Variants in FOXP1 observed in about 807,000 individuals in gnomAD.
The protein encoded by FOXP1 is forkhead box P1, also known as forkhead box protein P1.
Under a neutral mutation model 98.2 loss-of-function variants are expected in FOXP1, and 15 were observed. The observed-to-expected ratio is 0.15, with a 90% confidence interval of 0.10 to 0.24. FOXP1 has a LOEUF of 0.24. Among genes scored for constraint, FOXP1 ranks in the 10% least tolerant of loss-of-function variants. FOXP1 has a pLI of 1.00. For missense variants in FOXP1, 633 were observed against 848.5 expected (o/e 0.75, Z 3.15); for synonymous variants, 371 against 314.5 (o/e 1.18, Z -1.90).
intron 2 of FOXP1, among the ~76,000 whole-genome samples, chr3:71,514,118 C>G (rs867099500): frequency 1.6e-4 from 24 of 152,024 alleles, no homozygotes; most frequent in Admixed American, 1.4e-3. Context: ...CCCCAACTGG[C>G]TCTCAGGCCC....
At chr3:71,226,959 G>C (rs545543898) in intron 5 of FOXP1, among the ~76,000 whole-genome samples, 1 of 152,248 alleles carries the variant, frequency 6.6e-6, no homozygotes, top group South Asian at 2.1e-4. Flanking sequence ...TGACAGGGCA[G>C]AGCGCACAGG....
At chr3:71,520,600 C>G (rs910558499) in intron 2 of FOXP1, among the ~76,000 whole-genome samples, 14 of 152,324 alleles carry the variant, frequency 9.2e-5, no homozygotes, top group Admixed American at 6.5e-4. Flanking sequence ...CTAAAAATGT[C>G]AGCGTGAGAC....
At chr3:71,566,491 T>C (rs953664786) in intron 2 of FOXP1, among the ~76,000 whole-genome samples, 8 of 152,154 alleles carry the variant, frequency 5.3e-5, no homozygotes, top group Non-Finnish European at 1.5e-5. Context: ...TTGACCCAAC[T>C]AAAGTATCAT....
intron 3 of FOXP1, among the ~76,000 whole-genome samples, chr3:71,444,578 T>C (rs767205073): frequency 1.6e-4 from 24 of 152,138 alleles, no homozygotes; most frequent in Admixed American, 3.9e-4. Context: ...AGATGGCAGA[T>C]AGGAGGTTTA....
intron 6 of FOXP1, chr3:71,130,360 G>T: frequency 1.3e-6 from 1 of 780,892 alleles, no homozygotes; most frequent in Non-Finnish European, 2.1e-6. Flanking sequence ...GGAGAGAGGA[G>T]GGAAGGGGGA....
At chr3:71,308,311 A>C (rs1284947824) in intron 4 of FOXP1, among the ~76,000 whole-genome samples, 2 of 152,206 alleles carry the variant, frequency 1.3e-5, no homozygotes, top group Non-Finnish European at 2.9e-5. Context: ...TATGCACTTC[A>C]TCTCGGCGGA....
At position 70,959,289 on chromosome 3, in the gene FOXP1, G is replaced by A. The variant is rs2106856026; in HGVS notation, c.1992C>T (p.Asp664=). 2 of 1,613,110 alleles carry A rather than the reference G, an allele frequency of 1.2e-6. No homozygotes were observed. The highest frequency in any genetic ancestry group is 1.7e-6 in the Non-Finnish European group (2 of 1,179,910). Residue 664 remains aspartate (D), a synonymous_variant, in exon 21 of 21, where the codon GAC becomes GAT. Transcript: ENST00000649528. ...TTACTGGTTCATCTTCGTAATCTCT[G>A]TCATGGTCAAAATCTGGACTGTGGT... ...TANHSPDFDH[D]RDYEDEPVNE...
intron 6 of FOXP1, among the ~76,000 whole-genome samples, chr3:71,195,093 T>C (rs2063220928): frequency 6.6e-6 from 1 of 152,222 alleles, no homozygotes. Flanking sequence ...GTTGCCGTTG[T>C]GGGACTATCA....
intron 7 of FOXP1, among the ~76,000 whole-genome samples, chr3:71,069,739 C>A (rs1289132800): frequency 6.6e-6 from 1 of 152,162 alleles, no homozygotes; most frequent in Admixed American, 6.5e-5. Flanking sequence ...TAAGCATAAC[C>A]AGAAATGGGG....
chr3:71,548,770 C>T (rs575000357), intron 2 of FOXP1, among the ~76,000 whole-genome samples: 1 of 151,596 alleles, frequency 6.6e-6, no homozygotes, highest in African/African-American at 2.4e-5. Context: ...CTTTACCCCC[C>T]CAAAAGAAAT....
chr3:71,473,550 C>A (rs1288030710), intron 3 of FOXP1, among the ~76,000 whole-genome samples: 2 of 152,052 alleles, frequency 1.3e-5, no homozygotes, highest in Admixed American at 6.6e-5. Flanking sequence ...CCACCTATAA[C>A]CCAAGGACCT....
chr3:71,118,439 T>C (rs1408990325), intron 6 of FOXP1, among the ~76,000 whole-genome samples: 2 of 152,264 alleles, frequency 1.3e-5, no homozygotes, highest in Non-Finnish European at 1.5e-5. Context: ...ATGTCTACCA[T>C]ATTTTAAGAA....
intron 6 of FOXP1, among the ~76,000 whole-genome samples, chr3:71,141,618 A>C (rs1454556298): frequency 3.3e-5 from 5 of 152,204 alleles, no homozygotes; most frequent in Non-Finnish European, 7.3e-5. Context: ...TTTGGTGACT[A>C]CTTTGTACTA....
At chr3:70,970,432 C>G (rs1474449254) in intron 19 of FOXP1, 2 of 419,288 alleles carry the variant, frequency 4.8e-6, no homozygotes, top group African/African-American at 4.1e-5. Flanking sequence ...AGTAATTACA[C>G]TTGTGGTATT....
intron 6 of FOXP1, among the ~76,000 whole-genome samples, chr3:71,151,632 T>A (rs2060576739): frequency 6.6e-6 from 1 of 151,534 alleles, no homozygotes; most frequent in African/African-American, 2.4e-5. Context: ...ATGAACTCCC[T>A]TTAGTCGAGA....
chr3:71,278,732 A>C (rs1285679599), intron 5 of FOXP1, among the ~76,000 whole-genome samples: 3 of 152,242 alleles, frequency 2.0e-5, no homozygotes, highest in Non-Finnish European at 4.4e-5. Flanking sequence ...CAGTAAGCAG[A>C]GATCATGCCA....
At chr3:71,411,357 C>T (rs570219496) in intron 3 of FOXP1, among the ~76,000 whole-genome samples, 35 of 151,594 alleles carry the variant, frequency 2.3e-4, no homozygotes, top group African/African-American at 8.5e-4. Context: ...CTCTGTCACC[C>T]AGGCTGGAGT....
chr3:71,565,299 T>C (rs1318391379), intron 2 of FOXP1, among the ~76,000 whole-genome samples: 1 of 152,212 alleles, frequency 6.6e-6, no homozygotes, highest in Non-Finnish European at 1.5e-5. Flanking sequence ...CCAGGCACAC[T>C]GCAGCAGGAA....
At chr3:71,330,786 A>G (rs943867496) in intron 4 of FOXP1, among the ~76,000 whole-genome samples, 3 of 152,270 alleles carry the variant, frequency 2.0e-5, no homozygotes, top group Admixed American at 1.3e-4. Flanking sequence ...TAGAACTTAT[A>G]TTACAAAAGA....
Sources: allele counts gnomAD v4.1 joint callset (sites outside exome capture counted in the v4.1 genomes callset), GRCh38; gene constraint gnomAD v4.1.1; transcripts MANE v1.5; gene names NCBI Gene and HGNC (gene_info 2026-07-23, HGNC 2026-07-21).